Variants in ZNF662 observed in about 807,000 individuals in gnomAD.
The protein encoded by ZNF662 is zinc finger protein 662.
ZNF662 carries 14 observed loss-of-function variants against 12.4 expected under a neutral mutation model. The ratio of observed to expected loss-of-function variants is 1.13; its 90% confidence interval spans 0.75 to 1.77. ZNF662 has a LOEUF of 1.77. ZNF662 is among the 40% of genes most tolerant of loss of function. The pLI, the probability that ZNF662 is intolerant of heterozygous loss-of-function variation, is 0.00. For missense variants in ZNF662, 550 were observed against 515.6 expected (o/e 1.07, Z -0.65); for synonymous variants, 184 against 176.4 (o/e 1.04, Z -0.34).
chr3:42,910,702 T>C (rs989579562), intron 3 of ZNF662, among the ~76,000 whole-genome samples: 12 of 152,222 alleles, frequency 7.9e-5, no homozygotes, highest in Non-Finnish European at 1.6e-4. Flanking sequence ...AGTTTCCTAG[T>C]GATAACTGTG....
At chr3:42,907,926 C>T (rs1194896076) in intron 1 of ZNF662, 96 bp from the exon 2 acceptor site, 1 of 1,485,380 alleles carries the variant, frequency 6.7e-7, no homozygotes, top group Non-Finnish European at 9.0e-7. Flanking sequence ...AGAATCCCCA[C>T]AGGCACCCCC....
chr3:42,912,680 T>TA (rs1559381555), intron 3 of ZNF662, among the ~76,000 whole-genome samples: 1 of 22,652 alleles, frequency 4.4e-5, no homozygotes, highest in Non-Finnish European at 1.0e-4. Flanking sequence ...TTTATATATA[T>TA]AAATATATAT....
chr3:42,910,133 TCG>T (rs1318011535), intron 3 of ZNF662, among the ~76,000 whole-genome samples: 1 of 152,100 alleles, frequency 6.6e-6, no homozygotes, highest in East Asian at 1.9e-4. Context: ...GGCAGATCAC[TCG>T]CAGTCAGGAG....
chr3:42,914,948 C>T lies in ZNF662; in HGVS notation c.875C>T (p.Thr292Met), dbSNP rs116038501. ...GKGFSQNTSL[T>M]QHQRIHTGEK... ...GGCTTTAGTCAGAACACAAGCCTTA[C>T]GCAACATCAACGGATCCACACTGGT... Residue 292 changes from threonine to methionine, a missense_variant, in exon 5 of 5, where the codon ACG becomes ATG. Thr to Met is a moderately conservative substitution (Grantham distance 81). Transcript: ENST00000440367. The T allele has an allele frequency of 5.3e-4, 856 of 1,613,946 alleles. 3 individuals are homozygous for T. The African/African-American group carries it at 8.7e-3, about 16-fold the overall frequency.
At chr3:42,910,181 T>C (rs2088763755) in intron 3 of ZNF662, among the ~76,000 whole-genome samples, 1 of 151,702 alleles carries the variant, frequency 6.6e-6, no homozygotes, top group Non-Finnish European at 1.5e-5. Context: ...CCAAACCCCG[T>C]CTCCACCAAA....
At position 42,917,698 on chromosome 3, in the gene ZNF662, T is replaced by C; in HGVS notation, c.*2344T>C. The C allele has an allele frequency of 3.2e-6, 2 of 620,106 alleles. No homozygotes were observed. Among genetic ancestry groups the C allele is most frequent in the South Asian group, 1.9e-5 (1 of 51,360 alleles). 38.4% of individuals were successfully genotyped at this position (620,106 alleles called of 1,614,324 possible). ...TAGCCACACTAATACTGTTTTGTGT[T>C]TGAAATCACTGTTTTCTCATACAGC... On this transcript the variant is annotated 3_prime_UTR_variant, in exon 5 of 5. Coordinates refer to ENST00000440367, the MANE Select transcript of ZNF662 (RefSeq NM_207404.4).
chr3:42,915,281 T>C lies in ZNF662; in HGVS notation c.1208T>C (p.Leu403Ser), dbSNP rs200137628. Residue 403 changes from leucine to serine, a missense_variant, in exon 5 of 5, where the codon TTA becomes TCA. Transcript: ENST00000440367. ...AAGGCCTTCAGTCAGAATTCTGTCT[T>C]AATTAAGCACCAGAGGCGCCATGCT... is the stretch of plus-strand genomic sequence containing the variant. ...CGKAFSQNSV[L>S]IKHQRRHARD... The C allele has an allele frequency of 8.1e-6, 13 of 1,612,798 alleles. No individual in the cohort carries two copies. Among genetic ancestry groups the C allele is most frequent in the Non-Finnish European group, 9.3e-6 (11 of 1,179,520 alleles).
At position 42,914,426 on chromosome 3, in the gene ZNF662, G is replaced by A. The variant is rs749017777; in HGVS notation, c.353G>A (p.Cys118Tyr). ...LMVLSSGPQW[C>Y]GSQELWFGKT... ...GTCCTATCAAGTGGACCCCAGTGGT[G>A]TGGATCCCAGGAATTATGGTTTGGG... The change falls in exon 5 of 5, where the codon TGT becomes TAT. Residue 118 changes from cysteine to tyrosine, a missense_variant. Transcript: ENST00000440367. 1.2e-6 allele frequency: 2 copies of A among 1,614,062 alleles called. No individual in the cohort carries two copies. Among genetic ancestry groups the A allele is most frequent in the South Asian group, 1.1e-5 (1 of 91,074 alleles).
At chr3:42,912,216 C>CATATAAATAAAATATATATAAAT (rs2088803202) in intron 3 of ZNF662, 5 of 125,954 alleles carry the variant, frequency 4.0e-5, no homozygotes, top group Admixed American at 1.8e-4. Context: ...AATATATAAT[C>CATATAAATAAAATATATATAAAT]ATATAAATAA....
In ZNF662 at chr3:42,913,262, C is replaced by T; in HGVS notation, c.213C>T (p.Asn71=). The T allele has an allele frequency of 6.2e-7, 1 of 1,614,030 alleles. No individual in the cohort carries two copies. The part of the protein sequence containing the change: ...SHPEQVEEPL[N]LKLQGEGPSL... ...CTGAGCAGGTGGAAGAGCCATTAAA[C>T]CTGAAACTGCAAGGAGAGGGTCCAA... is the stretch of plus-strand genomic sequence containing the variant. The change falls in exon 4 of 5, where the codon AAC becomes AAT. Residue 71 remains asparagine, a synonymous_variant. Transcript: ENST00000440367.
At chr3:42,912,797 T>C (rs2088845839) in intron 3 of ZNF662, among the ~76,000 whole-genome samples, 1 of 142,544 alleles carries the variant, frequency 7.0e-6, no homozygotes, top group South Asian at 2.2e-4. Flanking sequence ...TGGAGAGCAG[T>C]GACACAGTCT....
chr3:42,912,347 A>T (rs1350450005), intron 3 of ZNF662, among the ~76,000 whole-genome samples: 4 of 105,670 alleles, frequency 3.8e-5, no homozygotes, highest in African/African-American at 1.5e-4. Flanking sequence ...GATATATATC[A>T]TATATAATTA....
intron 2 of ZNF662, chr3:42,908,582 C>T (rs140911733): frequency 7.1e-7 from 1 of 1,398,720 alleles, no homozygotes; most frequent in African/African-American, 1.4e-5. Flanking sequence ...TTTGCTGACT[C>T]AAACAGTTAC....
At position 42,906,345 on chromosome 3, in the gene ZNF662, C is replaced by T. The variant is rs1010822292; in HGVS notation, c.-94+177C>T. ...CGCCCTCGCTTTCCCAGAGGGCGAC[C>T]TGGGCTATGGCGGCCGTGGCGCTGG... is the stretch of plus-strand genomic sequence containing the variant. On this transcript the variant is annotated intron_variant, in intron 1 of 4. Transcript: ENST00000440367. This position sits in a 1 kb window ranked among gnomAD's most constrained non-coding sequence, Gnocchi z 4.4. 1.3e-6 allele frequency: 2 copies of T among 1,529,278 alleles called. No homozygotes were observed. The highest frequency in any genetic ancestry group is 1.2e-5 in the South Asian group (1 of 83,322). The allele number at this position is 1,529,278 out of a possible 1,614,324, so 94.7% of individuals were successfully genotyped here.
In ZNF662 at chr3:42,917,687, C is replaced by T. The variant is rs947179945; in HGVS notation, c.*2333C>T. ...TATTTGCAACTTAGCCACACTAATACTGTTTTGTGTTTGAAATCACTGTTT... is the reference window on the plus strand; with the variant it reads ...TATTTGCAACTTAGCCACACTAATATTGTTTTGTGTTTGAAATCACTGTTT... On this transcript the variant is annotated 3_prime_UTR_variant, in exon 5 of 5. Transcript: ENST00000440367. The T allele has an allele frequency of 3.2e-6, 2 of 631,002 alleles. No homozygotes were observed. The highest frequency in any genetic ancestry group is 3.7e-5 in the African/African-American group (2 of 54,250). 39.1% of individuals were successfully genotyped at this position (631,002 alleles called of 1,614,324 possible). A position where few individuals can be genotyped will look rare whatever the true frequency, so the allele number is the denominator to read the frequency against.
At position 42,919,017 on chromosome 3, in the gene ZNF662, G is replaced by C. The variant is rs905403627; in HGVS notation, c.*3663G>C. On this transcript the variant is annotated 3_prime_UTR_variant, in exon 5 of 5. Coordinates refer to ENST00000440367, the MANE Select transcript of ZNF662 (RefSeq NM_207404.4). ...TATTTTCCCAAAAAAGAAACCTCCA[G>C]GTTATGGGCACCTTATTTAGTCTAA... Among the ~76,000 whole-genome samples, 2 of 152,136 alleles carry C rather than the reference G, an allele frequency of 1.3e-5. No individual in the cohort carries two copies. The highest frequency in any genetic ancestry group is 2.9e-5 in the Non-Finnish European group (2 of 68,022).
Position 42,914,863 on chromosome 3 carries a change from A to AT in ZNF662, c.792dup (p.Arg265SerfsTer13), listed in dbSNP as rs1189111956. The AT allele has an allele frequency of 2.5e-6, 4 of 1,613,978 alleles. No individual in the cohort carries two copies. The African/African-American group carries it at 5.3e-5, about 22-fold the overall frequency. On this transcript the variant is annotated frameshift_variant, in exon 5 of 5. Coordinates refer to ENST00000440367, the MANE Select transcript of ZNF662 (RefSeq NM_207404.4). LOFTEE classifies it low-confidence loss of function (END_TRUNC). Reference sequence around the variant, plus strand: ...GGCCTTTGTTTGGAAGTCAAACCTGATTCGTCACCAGAGAATACATACTGG... The same window carrying AT: ...GGCCTTTGTTTGGAAGTCAAACCTGATTTCGTCACCAGAGAATACATACTGG...
Position 42,917,401 on chromosome 3 carries a change from G to A in ZNF662, c.*2047G>A, listed in dbSNP as rs2088905866. On this transcript the variant is annotated 3_prime_UTR_variant, in exon 5 of 5. Coordinates refer to ENST00000440367, the MANE Select transcript of ZNF662 (RefSeq NM_207404.4). ...TATCTGTCCTCTGTGTGGCACATAG[G>A]AAAATGTGAGACCTAGAATTATAGC... is the stretch of plus-strand genomic sequence containing the variant. The A allele has an allele frequency of 3.0e-6, 2 of 656,348 alleles. No homozygotes were observed. 40.7% of individuals were successfully genotyped at this position (656,348 alleles called of 1,614,324 possible). A position where few individuals can be genotyped will look rare whatever the true frequency, so the allele number is the denominator to read the frequency against.
rs752573812 is a variant in ZNF662, at chr3:42,915,606, ACAAT to A, written c.*254_*257del. On this transcript the variant is annotated 3_prime_UTR_variant, in exon 5 of 5. Transcript: ENST00000440367. Reference sequence around the variant, plus strand: ...CACTTTACATACATTAATTTGCATAACAATCCTATTAAGGTAGGTGCTCTTCTCC... The same window carrying A: ...CACTTTACATACATTAATTTGCATAACCTATTAAGGTAGGTGCTCTTCTCC... 46 of 391,008 alleles carry A rather than the reference ACAAT, an allele frequency of 1.2e-4. No individual in the cohort carries two copies. The highest frequency in any genetic ancestry group is 1.9e-4 in the Non-Finnish European group (43 of 220,730). 24.2% of individuals were successfully genotyped at this position (391,008 alleles called of 1,614,324 possible).
Sources: allele counts gnomAD v4.1 joint callset (sites outside exome capture counted in the v4.1 genomes callset), GRCh38; gene constraint gnomAD v4.1.1; non-coding constraint Gnocchi (gnomAD v3.1); transcripts MANE v1.5; gene names NCBI Gene and HGNC (gene_info 2026-07-23, HGNC 2026-07-21).